Variants in CACNA1H observed in about 807,000 individuals in gnomAD.
The protein encoded by CACNA1H is voltage-dependent T-type calcium channel subunit alpha-1H.
A neutral mutation model predicts 192.5 loss-of-function variants in CACNA1H; 149 were observed. The observed-to-expected ratio is 0.77, with a 90% CI of 0.68 to 0.89. CACNA1H has a LOEUF of 0.89. CACNA1H is among the 40% of genes least tolerant of loss of function. The probability of loss-of-function intolerance (pLI) is 0.00; values close to 1 mark genes in which losing one functional copy is unlikely to be tolerated. For missense variants in CACNA1H, 4,257 were observed against 3,423.5 expected (o/e 1.24, Z -6.08); for synonymous variants, 2,202 against 1,475.2 (o/e 1.49, Z -11.29).
chr16:1,196,819 G>C (rs1967034985), intron 5 of CACNA1H, among the ~76,000 whole-genome samples: 2 of 152,150 alleles, frequency 1.3e-5, no homozygotes, highest in Non-Finnish European at 2.9e-5. Flanking sequence ...TCAGGGGATG[G>C]GGTGGGATCG....
intron 2 of CACNA1H, among the ~76,000 whole-genome samples, chr16:1,158,880 G>A (rs537087407): frequency 4.7e-5 from 7 of 148,004 alleles, no homozygotes; most frequent in South Asian, 4.3e-4. Flanking sequence ...GGCCCCGCAG[G>A]GCCCCCGCTC....
chr16:1,214,969 C>T lies in CACNA1H; in HGVS notation c.4930-3C>T, dbSNP rs1969886500. ...CTCAGCCAGCCCGACCCTCCACCCC[C>T]AGTCGCTGGACGAGGCCCTCAAGTA... is the stretch of plus-strand genomic sequence containing the variant. On this transcript the variant is annotated splice_polypyrimidine_tract_variant and splice_region_variant and intron_variant, in intron 27 of 34. Coordinates refer to ENST00000348261, the MANE Select transcript of CACNA1H (RefSeq NM_021098.3). The T allele has an allele frequency of 3.1e-6, 5 of 1,600,018 alleles. No individual in the cohort carries two copies. The highest frequency in any genetic ancestry group is 2.6e-6 in the Non-Finnish European group (3 of 1,172,682).
At chr16:1,183,116 C>T (rs1285618395) in intron 2 of CACNA1H, among the ~76,000 whole-genome samples, 1 of 151,234 alleles carries the variant, frequency 6.6e-6, no homozygotes, top group Non-Finnish European at 1.5e-5. Flanking sequence ...CGGTGGGGCC[C>T]CAGGTGGCGG....
intron 2 of CACNA1H, among the ~76,000 whole-genome samples, chr16:1,161,831 C>T (rs1455911955): frequency 6.6e-6 from 1 of 152,178 alleles, no homozygotes; most frequent in African/African-American, 2.4e-5. Context: ...GCACCCGGAC[C>T]TCCTGGGTCC....
chr16:1,185,456 G>C (rs567130555), intron 2 of CACNA1H, among the ~76,000 whole-genome samples: 1 of 151,388 alleles, frequency 6.6e-6, no homozygotes, highest in South Asian at 2.1e-4. Context: ...TGTGGGTCCT[G>C]CCAGCGGCAG....
intron 13 of CACNA1H, 74 bp from the exon 14 acceptor site, chr16:1,207,201 G>C: frequency 6.4e-7 from 1 of 1,553,042 alleles, no homozygotes; most frequent in Non-Finnish European, 8.7e-7. Context: ...CGCATCCATA[G>C]CTGCCTCTGC....
At chr16:1,187,635 G>A (rs947903884) in intron 2 of CACNA1H, among the ~76,000 whole-genome samples, 2 of 152,228 alleles carry the variant, frequency 1.3e-5, no homozygotes, top group Non-Finnish European at 2.9e-5. Context: ...CGGCACTGAT[G>A]TCAGGATGCA....
At chr16:1,181,944 GCC>G (rs970212398) in intron 2 of CACNA1H, among the ~76,000 whole-genome samples, 1 of 149,172 alleles carries the variant, frequency 6.7e-6, no homozygotes, top group Non-Finnish European at 1.5e-5. Flanking sequence ...TTGCACACAC[GCC>G]CCCTCGCACA....
intron 12 of CACNA1H, 113 bp from the exon 13 acceptor site, chr16:1,206,888 G>A (rs901059726): frequency 3.4e-5 from 21 of 618,584 alleles, no homozygotes; most frequent in African/African-American, 1.6e-4. Context: ...GAGCCAAGAC[G>A]GGCAGAGCCA....
Position 1,204,034 on chromosome 16 carries a change from T to G in CACNA1H, c.2027T>G (p.Leu676Arg). 1.3e-6 allele frequency: 2 copies of G among 1,567,248 alleles called. No homozygotes were observed. The highest frequency in any genetic ancestry group is 1.7e-6 in the Non-Finnish European group (2 of 1,156,730). Residue 676 changes from leucine (L) to arginine (R), a missense_variant, in exon 10 of 35, where the codon CTG (leucine) becomes CGG (arginine). Coordinates refer to ENST00000348261, the MANE Select transcript of CACNA1H (RefSeq NM_021098.3). ...GGACTGGGCCAGGCCCCTGGCCATCTGTCGGGCCTCAGTGTGCCCTGCCCC... is the reference window on the plus strand; with the variant it reads ...GGACTGGGCCAGGCCCCTGGCCATCGGTCGGGCCTCAGTGTGCCCTGCCCC... The part of the protein sequence containing the change: ...EHGLGQAPGH[L>R]SGLSVPCPLP...
At position 1,210,511 on chromosome 16, in the gene CACNA1H, A is replaced by C; in HGVS notation, c.3969+18A>C. ...GCAGCACCGTGAGTCAGCCAACCCCATCGTCCCGGGCCACCACGACCCCCA... is the reference window on the plus strand; with the variant it reads ...GCAGCACCGTGAGTCAGCCAACCCCCTCGTCCCGGGCCACCACGACCCCCA... On this transcript the variant is annotated intron_variant, in intron 19 of 34. Transcript: ENST00000348261. 6.2e-7 allele frequency: 1 copy of C among 1,611,092 alleles called. No individual in the cohort carries two copies. Among genetic ancestry groups the C allele is most frequent in the Non-Finnish European group, 8.5e-7 (1 of 1,179,580 alleles).
rs552657330 is a variant in CACNA1H at position 1,221,561 on chromosome 16, C to T, written c.*567C>T. 5.6e-6 allele frequency: 3 copies of T among 537,764 alleles called. No individual in the cohort carries two copies. The East Asian group carries it at 1.0e-4, about 18-fold the overall frequency. 33.3% of individuals were successfully genotyped at this position (537,764 alleles called of 1,614,324 possible). ...GGAGAGGTGACACCTCACTAAGGGG[C>T]CGACCCCATGGAGTAACGCGCCCGG... On this transcript the variant is annotated 3_prime_UTR_variant, in exon 35 of 35. Transcript: ENST00000348261.
chr16:1,204,466 C>T lies in CACNA1H; in HGVS notation c.2451+8C>T. 2 of 1,519,212 alleles carry T rather than the reference C, an allele frequency of 1.3e-6. No individual in the cohort carries two copies. The highest frequency in any genetic ancestry group is 1.8e-6 in the Non-Finnish European group (2 of 1,134,132). The allele number at this position is 1,519,212 out of a possible 1,614,324, so 94.1% of individuals were successfully genotyped here. On this transcript the variant is annotated splice_region_variant and intron_variant, in intron 10 of 34. Coordinates refer to ENST00000348261, the MANE Select transcript of CACNA1H (RefSeq NM_021098.3). ...GTGGAGTACCATGAGCAGGTGCGGG[C>T]TGGCCTGGCCACGGGGTGGGCTCCC...
chr16:1,205,344 A>G, intron 11 of CACNA1H, 79 bp downstream of exon 11: 1 of 1,416,700 alleles, frequency 7.1e-7, no homozygotes, highest in Non-Finnish European at 9.6e-7. Context: ...GCAGAGCAAA[A>G]CCCAGAGCAC....
In CACNA1H at chr16:1,211,964, C is replaced by T. The variant is rs1220708007; in HGVS notation, c.4585C>T (p.Pro1529Ser). The T allele has an allele frequency of 1.2e-6, 2 of 1,613,402 alleles. No homozygotes were observed. The highest frequency in any genetic ancestry group is 1.7e-5 in the Admixed American group (1 of 60,010). ...VDQQPVQNHNPWMLLYFISFL... is the reference protein window; with the variant it reads ...VDQQPVQNHNSWMLLYFISFL... ...GCCACAGCCTGTGCAGAACCACAAC[C>T]CCTGGATGCTGCTGTACTTCATCTC... is the stretch of plus-strand genomic sequence containing the variant. The change falls in exon 25 of 35, where the codon CCC becomes TCC. Residue 1529 changes from proline (P) to serine (S), a missense_variant. By Grantham distance (74) the Pro-to-Ser change is moderately conservative. Transcript: ENST00000348261.
chr16:1,186,458 G>A (rs984559387), intron 2 of CACNA1H, among the ~76,000 whole-genome samples: 4 of 152,170 alleles, frequency 2.6e-5, no homozygotes, highest in South Asian at 4.1e-4. Flanking sequence ...TGGGGTGAAC[G>A]TCAAAGGGTC....
At chr16:1,202,689 G>T (rs113517517) in intron 9 of CACNA1H, among the ~76,000 whole-genome samples, 2 of 152,170 alleles carry the variant, frequency 1.3e-5, no homozygotes, top group African/African-American at 2.4e-5. Flanking sequence ...AGTGGTAGCC[G>T]CGGAGGTGGG....
Position 1,220,850 on chromosome 16 carries a change from A to T in CACNA1H, c.6918A>T (p.Pro2306=). 1 of 1,612,750 alleles carries T rather than the reference A, an allele frequency of 6.2e-7. No homozygotes were observed. The highest frequency in any genetic ancestry group is 8.5e-7 in the Non-Finnish European group (1 of 1,179,800). ...SSGAIVPLEP[P]ESEPPMPVGD... Reference sequence around the variant, plus strand: ...GGGCCATAGTGCCCCTGGAACCCCCAGAATCAGAGCCTCCCATGCCCGTCG... The same window carrying T: ...GGGCCATAGTGCCCCTGGAACCCCCTGAATCAGAGCCTCCCATGCCCGTCG... The change falls in exon 35 of 35, where the codon CCA becomes CCT. Residue 2306 remains proline (P), a synonymous_variant. Transcript: ENST00000348261.
intron 30 of CACNA1H, among the ~76,000 whole-genome samples, chr16:1,215,823 C>T (rs1301684225): frequency 6.6e-6 from 1 of 152,182 alleles, no homozygotes; most frequent in Non-Finnish European, 1.5e-5. Flanking sequence ...AACCGGGGCC[C>T]CCTCCCCGGT....
Sources: gnomAD v4.1 joint callset for allele counts (sites outside exome capture counted in the v4.1 genomes callset) on GRCh38, gnomAD v4.1.1 for gene constraint, MANE v1.5 for transcripts, NCBI Gene and HGNC (gene_info 2026-07-23, HGNC 2026-07-21) for gene names.